The following EYS variants were observed in gnomAD, a reference collection of about 807,000 sequenced individuals.
The protein encoded by EYS is EGF-like photoreceptor maintenance factor.
Under a neutral mutation model 282.1 loss-of-function variants are expected in EYS, and 250 were observed. The observed-to-expected ratio is 0.89, with a 90% CI of 0.80 to 0.98. EYS has a LOEUF of 0.98. Among genes scored for constraint, EYS ranks in the 50% least tolerant of loss-of-function variants. The pLI is 0.00. For synonymous variants in EYS, 1,355 were observed against 1,282.9 expected (o/e 1.06, Z -1.20); for missense variants, 4,016 against 3,709.0 (o/e 1.08, Z -2.15).
chr6:63,999,675 C>T (rs766218961), intron 33 of EYS, among the ~76,000 whole-genome samples: 1 of 152,166 alleles, frequency 6.6e-6, no homozygotes, highest in Non-Finnish European at 1.5e-5. Context: ...CACTGTGATA[C>T]AGTTATCAGA....
At chr6:64,643,184 C>T (rs995182344) in intron 22 of EYS, among the ~76,000 whole-genome samples, 2 of 151,682 alleles carry the variant, frequency 1.3e-5, no homozygotes, top group African/African-American at 2.4e-5. Context: ...TCCAAATGCA[C>T]CCACTTCCTT....
At chr6:64,140,111 T>C (rs907310299) in intron 31 of EYS, among the ~76,000 whole-genome samples, 4 of 152,010 alleles carry the variant, frequency 2.6e-5, no homozygotes, top group African/African-American at 9.7e-5. Context: ...ATGATAGCAA[T>C]GAGAATGAAA....
Position 64,218,080 on chromosome 6 carries a change from C to T in EYS, c.6424+12512G>A, listed in dbSNP as rs114236167. Among the ~76,000 whole-genome samples, 458 of 152,260 alleles carry T rather than the reference C, an allele frequency of 3.0e-3. 4 individuals carry two copies. Among genetic ancestry groups the T allele is most frequent in the African/African-American group, 0.01 (429 of 41,552 alleles). ...AAATCTCAGCACATAATGACTCTAT[C>T]TAAGCCTCTGCATTAAGAGAGGACC... On this transcript the variant is annotated intron_variant, in intron 31 of 42. Transcript: ENST00000503581.
chr6:64,615,526 C>T (rs949341470), intron 24 of EYS, among the ~76,000 whole-genome samples: 6 of 151,922 alleles, frequency 3.9e-5, no homozygotes, highest in Admixed American at 6.6e-5. Flanking sequence ...TAATAATTTG[C>T]GTGTTATTTT....
At chr6:64,415,636 A>G (rs1261289417) in intron 28 of EYS, among the ~76,000 whole-genome samples, 1 of 152,132 alleles carries the variant, frequency 6.6e-6, no homozygotes, top group Non-Finnish European at 1.5e-5. Context: ...AGTTACTGGG[A>G]GAAGTTCATA....
intron 33 of EYS, among the ~76,000 whole-genome samples, chr6:64,040,984 T>A (rs958570486): frequency 1.3e-5 from 2 of 152,200 alleles, no homozygotes; most frequent in Non-Finnish European, 1.5e-5. Flanking sequence ...AAGAAAATTT[T>A]AAAAATTAGA....
intron 5 of EYS, among the ~76,000 whole-genome samples, chr6:65,414,194 C>G (rs959827997): frequency 6.6e-6 from 1 of 152,054 alleles, no homozygotes; most frequent in South Asian, 2.1e-4. Flanking sequence ...AGAAACAGAA[C>G]GAAAGCTAAG....
rs116133946 is a variant in EYS at position 65,675,274 on chromosome 6, T to C, written c.-448+31861A>G. On this transcript the variant is annotated intron_variant, in intron 1 of 42. Coordinates refer to ENST00000503581, the MANE Select transcript of EYS (RefSeq NM_001142800.2). ...AGTCTTTATCAATAAATATTTTAAATATAAACAAATTAAAATCCCCAATAA... is the reference window on the plus strand; with the variant it reads ...AGTCTTTATCAATAAATATTTTAAACATAAACAAATTAAAATCCCCAATAA... Among the ~76,000 whole-genome samples, 453 of 151,826 alleles carry C rather than the reference T, an allele frequency of 3.0e-3. 3 individuals are homozygous for C. Among genetic ancestry groups the C allele is most frequent in the African/African-American group, 0.01 (434 of 41,494 alleles).
At chr6:63,949,575 A>G (rs181766135) in intron 35 of EYS, among the ~76,000 whole-genome samples, 1 of 152,274 alleles carries the variant, frequency 6.6e-6, no homozygotes, top group African/African-American at 2.4e-5. Context: ...TTCATTCAAT[A>G]AATATATATT....
chr6:64,622,878 G>A (rs537273700), intron 23 of EYS, among the ~76,000 whole-genome samples: 158 of 152,262 alleles, frequency 1.0e-3, no homozygotes, highest in Non-Finnish European at 1.8e-3. Flanking sequence ...TGACAGAGAA[G>A]TGGACATGTG....
Position 63,961,452 on chromosome 6 carries a change from A to T in EYS, c.7055+22931T>A, listed in dbSNP as rs539736357. ...CCCCGCCCCTGCCTGCAAGAGAGAA[A>T]CCCCCTTTGACTGTAATTTTCCACT... On this transcript the variant is annotated intron_variant, in intron 35 of 42. Coordinates refer to ENST00000503581, the MANE Select transcript of EYS (RefSeq NM_001142800.2). 2.3e-4 allele frequency among the ~76,000 whole-genome samples: 34 copies of T among 150,644 alleles called. No individual in the cohort carries two copies. The South Asian group carries it at 3.8e-3, about 17-fold the overall frequency.
chr6:64,049,897 A>T (rs1770750616), intron 33 of EYS, among the ~76,000 whole-genome samples: 1 of 152,136 alleles, frequency 6.6e-6, no homozygotes, highest in Admixed American at 6.6e-5. Context: ...AGCCTGTTCC[A>T]TTGCACCCAG....
intron 36 of EYS, among the ~76,000 whole-genome samples, chr6:63,826,845 C>CAAAAAAAAAAAAAAAAAAGAAAAAAAAAA (rs1771475758): frequency 1.3e-5 from 1 of 76,762 alleles, no homozygotes; most frequent in Admixed American, 1.4e-4. Flanking sequence ...AGTTAAAAAG[C>CAAAAAAAAAAAAAAAAAAGAAAAAAAAAA]AAAAAAAAAA....
chr6:65,016,315 A>T (rs760153788), intron 13 of EYS, among the ~76,000 whole-genome samples: 2 of 152,204 alleles, frequency 1.3e-5, no homozygotes, highest in African/African-American at 4.8e-5. Context: ...GATAAACTTC[A>T]TATGTTCATA....
intron 5 of EYS, among the ~76,000 whole-genome samples, chr6:65,470,035 T>G (rs1765152401): frequency 6.6e-6 from 1 of 152,280 alleles, no homozygotes; most frequent in Admixed American, 6.5e-5. Context: ...AGGAAAAGGA[T>G]GTTTCTAGAG....
At chr6:64,412,338 T>G (rs1259008403) in intron 28 of EYS, among the ~76,000 whole-genome samples, 1 of 152,128 alleles carries the variant, frequency 6.6e-6, no homozygotes, top group Non-Finnish European at 1.5e-5. Context: ...AATAGCCTAT[T>G]TAAAACAATT....
At chr6:63,992,379 T>C (rs1399304742) in intron 34 of EYS, among the ~76,000 whole-genome samples, 1 of 151,766 alleles carries the variant, frequency 6.6e-6, no homozygotes, top group Non-Finnish European at 1.5e-5. Context: ...CCTGGGTATA[T>C]TGCATGCTAA....
chr6:63,851,171 A>C (rs1309493656), intron 36 of EYS, among the ~76,000 whole-genome samples: 1 of 152,200 alleles, frequency 6.6e-6, no homozygotes, highest in African/African-American at 2.4e-5. Flanking sequence ...CAGATTCATA[A>C]AGCAAGTTCT....
intron 24 of EYS, among the ~76,000 whole-genome samples, chr6:64,615,388 A>G (rs1423225662): frequency 6.6e-6 from 1 of 152,116 alleles, no homozygotes; most frequent in Admixed American, 6.6e-5. Flanking sequence ...TGCATTTTCC[A>G]TACCTGTATC....
Sources: allele counts gnomAD v4.1 joint callset (sites outside exome capture counted in the v4.1 genomes callset), GRCh38; gene constraint gnomAD v4.1.1; transcripts MANE v1.5; gene names NCBI Gene and HGNC (gene_info 2026-07-23, HGNC 2026-07-21).